The following CABIN1 variants were observed in gnomAD, a reference collection of about 807,000 sequenced individuals.
CABIN1 encodes calcineurin binding protein 1.
CABIN1 carries 133 observed loss-of-function variants against 227.7 expected under a neutral mutation model. The ratio of observed to expected loss-of-function variants is 0.58; its 90% confidence interval spans 0.51 to 0.67. CABIN1 has a LOEUF of 0.67. CABIN1 is among the 30% of genes least tolerant of loss of function. CABIN1 has a pLI of 0.00. For synonymous variants in CABIN1, 1,086 were observed against 1,155.1 expected, an observed-to-expected ratio of 0.94 and a Z score of 1.21; for missense variants, 2,408 against 2,852.5, an observed-to-expected ratio of 0.84 and a Z score of 3.55.
chr22:24,136,524 ATTTT>A lies in CABIN1; in HGVS notation c.4746+2130_4746+2133del, dbSNP rs145864566. 2.7e-3 allele frequency among the ~76,000 whole-genome samples: 191 copies of A among 69,874 alleles called. 5 individuals carry two copies. Among genetic ancestry groups the A allele is most frequent in the Admixed American group, 6.2e-3 (39 of 6,282 alleles). The allele number at this position is 69,874 out of a possible 152,430, so 45.8% of individuals were successfully genotyped here. A position where few individuals can be genotyped will look rare whatever the true frequency, so the allele number is the denominator to read the frequency against. ...ACTGCCACGCCCAGCTAATTTTTGT[ATTTT>A]TTTTTTTTTTTTTTTTTTTTAGAGA... On this transcript the variant is annotated intron_variant, in intron 29 of 36. Transcript: ENST00000263119.
Position 24,164,405 on chromosome 22 carries a change from C to T in CABIN1, c.4752C>T (p.Ile1584=), listed in dbSNP as rs1192595677. ...ERNKTNFFNG[I]WRIPVDEIDR... ...CTGTGCCATCCATCCCACAGGGCAT[C>T]TGGCGGATCCCCGTGGACGAGATTG... Residue 1584 remains isoleucine, a synonymous_variant, in exon 30 of 37, where the codon ATC becomes ATT. Transcript: ENST00000263119. 1 of 1,603,236 alleles carries T rather than the reference C, an allele frequency of 6.2e-7. No homozygotes were observed. The highest frequency in any genetic ancestry group is 1.7e-4 in the Middle Eastern group (1 of 6,048).
At chr22:24,134,849 G>C (rs2044294782) in intron 29 of CABIN1, among the ~76,000 whole-genome samples, 1 of 152,184 alleles carries the variant, frequency 6.6e-6, no homozygotes, top group Non-Finnish European at 1.5e-5. Flanking sequence ...AGGCCGAGGC[G>C]GGCAGATCAT....
At chr22:24,028,698 A>G (rs183368605) in intron 1 of CABIN1, among the ~76,000 whole-genome samples, 1 of 152,278 alleles carries the variant, frequency 6.6e-6, no homozygotes, top group East Asian at 1.9e-4. Context: ...TGTTCTGCAC[A>G]GGAAGCACTT....
intron 29 of CABIN1, among the ~76,000 whole-genome samples, chr22:24,157,954 G>A (rs2045933348): frequency 6.6e-6 from 1 of 152,294 alleles, no homozygotes; most frequent in Admixed American, 6.5e-5. Context: ...CTGGCCCTCA[G>A]CTCAATGCAG....
intron 7 of CABIN1, 50 bp downstream of exon 7, chr22:24,049,270 G>T: frequency 6.2e-7 from 1 of 1,602,896 alleles, no homozygotes; most frequent in South Asian, 1.1e-5. Context: ...CTGTGTGGCT[G>T]GTGAAGGTCA....
chr22:24,062,011 G>A lies in CABIN1; in HGVS notation c.1682G>A (p.Gly561Asp), dbSNP rs1381175589. ...CTGGACCAGTGGCTGCTGACCAAAGGCAGAAGCTCTGCAGGTAGGAGGCAT... is the reference window on the plus strand; with the variant it reads ...CTGGACCAGTGGCTGCTGACCAAAGACAGAAGCTCTGCAGGTAGGAGGCAT... ...LQLDQWLLTKGRSSAVSPRNC... is the reference protein window; with the variant it reads ...LQLDQWLLTKDRSSAVSPRNC... The change falls in exon 13 of 37, where the codon GGC (glycine) becomes GAC (aspartate). Residue 561 changes from glycine (G) to aspartate (D), a missense_variant. Around this residue, in one of 3 missense-constraint regions of CABIN1, gnomAD observed 1,045 missense variants for 1,168.4 expected, o/e 0.89. Coordinates refer to ENST00000263119, the MANE Select transcript of CABIN1 (RefSeq NM_012295.4). The A allele has an allele frequency of 1.2e-6, 2 of 1,613,728 alleles. No individual in the cohort carries two copies. The highest frequency in any genetic ancestry group is 2.2e-5 in the South Asian group (2 of 91,086).
At chr22:24,060,163 G>C (rs2039086441) in intron 12 of CABIN1, 22 bp downstream of exon 12, 1 of 1,606,188 alleles carries the variant, frequency 6.2e-7, no homozygotes, top group African/African-American at 1.3e-5. Flanking sequence ...CCTCTCAAGG[G>C]CTGGTATTGA....
At chr22:24,155,297 T>G (rs1187479072) in intron 29 of CABIN1, among the ~76,000 whole-genome samples, 8 of 152,140 alleles carry the variant, frequency 5.3e-5, no homozygotes, top group Admixed American at 3.3e-4. Context: ...CAGGGTACAG[T>G]ACCCGCTTCC....
chr22:24,028,580 C>G (rs1395714831), intron 1 of CABIN1, among the ~76,000 whole-genome samples: 7 of 152,104 alleles, frequency 4.6e-5, no homozygotes, highest in Non-Finnish European at 1.0e-4. Context: ...TTTTTTCCAG[C>G]CCTTGTTCTG....
chr22:24,030,202 T>C (rs1056689914), intron 1 of CABIN1, among the ~76,000 whole-genome samples: 1 of 152,230 alleles, frequency 6.6e-6, no homozygotes, highest in South Asian at 2.1e-4. Flanking sequence ...AGGGCATCAG[T>C]TGTGGCTCTT....
intron 1 of CABIN1, among the ~76,000 whole-genome samples, chr22:24,022,713 T>C (rs1196062072): frequency 6.6e-6 from 1 of 152,242 alleles, no homozygotes; most frequent in Non-Finnish European, 1.5e-5. Flanking sequence ...CAGTGTATGA[T>C]TCTTCCAGTT....
rs1156520286 is a variant in CABIN1, at chr22:24,076,152, G to T, written c.2633-17G>T. 6.2e-7 allele frequency: 1 copy of T among 1,603,940 alleles called. No homozygotes were observed. Among genetic ancestry groups the T allele is most frequent in the Non-Finnish European group, 8.5e-7 (1 of 1,170,948 alleles). On this transcript the variant is annotated splice_polypyrimidine_tract_variant and intron_variant, in intron 18 of 36. Transcript: ENST00000263119. ...TCCCACACTAACTCTGTGTCTGTCG[G>T]CCTGGGCTTTCCCTAGGGATGTCAG...
intron 13 of CABIN1, among the ~76,000 whole-genome samples, chr22:24,062,438 A>T: frequency 6.9e-6 from 1 of 145,670 alleles, no homozygotes; most frequent in East Asian, 2.0e-4. Flanking sequence ...GCTCACTGCA[A>T]CCTCTGCCTC....
At chr22:24,155,971 T>TGCCCC (rs947414959) in intron 29 of CABIN1, 2 of 537,544 alleles carry the variant, frequency 3.7e-6, no homozygotes, top group South Asian at 2.3e-5. Flanking sequence ...CGGCCGCGCC[T>TGCCCC]GCCCCGCCCC....
At position 24,070,970 on chromosome 22, in the gene CABIN1, C is replaced by T. The variant is rs1239689142; in HGVS notation, c.2403C>T (p.Asp801=). 6.2e-7 allele frequency: 1 copy of T among 1,614,234 alleles called. No individual in the cohort carries two copies. Among genetic ancestry groups the T allele is most frequent in the South Asian group, 1.1e-5 (1 of 91,090 alleles). The change falls in exon 17 of 37, where the codon GAC becomes GAT. Residue 801 remains aspartate, a synonymous_variant. Coordinates refer to ENST00000263119, the MANE Select transcript of CABIN1 (RefSeq NM_012295.4). ...LMGIEQALSA[D]SSGSILKVSS... ...GCATCGAGCAGGCCCTCTCTGCGGA[C>T]AGCAGTGGTAGCATCCTGAAGGTAT... is the stretch of plus-strand genomic sequence containing the variant.
intron 1 of CABIN1, among the ~76,000 whole-genome samples, chr22:24,015,906 C>G (rs954586478): frequency 6.6e-5 from 10 of 152,110 alleles, no homozygotes; most frequent in African/African-American, 2.4e-4. Flanking sequence ...TGCAGAGAGC[C>G]GAGATCGCGC....
chr22:24,168,380 A>G, intron 32 of CABIN1, 67 bp from the exon 33 acceptor site: 2 of 1,483,744 alleles, frequency 1.3e-6, no homozygotes, highest in Non-Finnish European at 1.8e-6. Flanking sequence ...CTACATACAC[A>G]GACAGGGCTG....
At position 24,055,105 on chromosome 22, in the gene CABIN1, A is replaced by G. The variant is rs2038682982; in HGVS notation, c.1039A>G (p.Thr347Ala). The G allele has an allele frequency of 1.2e-6, 2 of 1,613,974 alleles. No individual in the cohort carries two copies. The highest frequency in any genetic ancestry group is 1.7e-6 in the Non-Finnish European group (2 of 1,180,050). Residue 347 changes from threonine (T) to alanine (A), a missense_variant, in exon 9 of 37, where the codon ACA (threonine) becomes GCA (alanine). Transcript: ENST00000263119. Reference sequence around the variant, plus strand: ...TGTGGTCTCCTACACCTCTGTGGCTACAACCAGCTTCCCACTGCACAGTCC... The same window carrying G: ...TGTGGTCTCCTACACCTCTGTGGCTGCAACCAGCTTCCCACTGCACAGTCC... ...EPVVSYTSVA[T>A]TSFPLHSPGL... is the part of the protein sequence containing the mutation.
Position 24,072,995 on chromosome 22 carries a change from C to T in CABIN1, c.2632+485C>T, listed in dbSNP as rs531411212. ...CCCATATTGGGAATAATAATATCTA[C>T]CTCAGAAGGTTATTCTGAGGATGAA... On this transcript the variant is annotated intron_variant, in intron 18 of 36. Coordinates refer to ENST00000263119, the MANE Select transcript of CABIN1 (RefSeq NM_012295.4). Among the ~76,000 whole-genome samples the T allele has an allele frequency of 3.3e-5, 5 of 152,272 alleles. No homozygotes were observed. In the South Asian group the frequency reaches 8.3e-4, roughly 25 times the overall value.
Sources: allele counts gnomAD v4.1 joint callset (sites outside exome capture counted in the v4.1 genomes callset), GRCh38; gene constraint gnomAD v4.1.1; regional missense constraint gnomAD v4.1.1; transcripts MANE v1.5; gene names NCBI Gene and HGNC (gene_info 2026-07-23, HGNC 2026-07-21).